The following WFDC1 variants were observed in gnomAD, a reference collection of about 807,000 sequenced individuals.
WFDC1 encodes the protein WAP four-disulfide core domain protein 1.
WFDC1 carries 39 observed loss-of-function variants against 32.9 expected under a neutral mutation model. The ratio of observed to expected loss-of-function variants is 1.19; its 90% CI spans 0.92 to 1.55. The LOEUF is 1.55. Ranked by LOEUF, WFDC1 falls within the 40% of genes most tolerant of loss-of-function variation. The pLI is 0.00. For synonymous variants in WFDC1, 184 were observed against 137.4 expected, an observed-to-expected ratio of 1.34 and a Z score of -2.37; for missense variants, 386 against 309.5, an observed-to-expected ratio of 1.25 and a Z score of -1.85.
intron 1 of WFDC1, among the ~76,000 whole-genome samples, chr16:84,303,989 G>C (rs1435775373): frequency 6.6e-6 from 1 of 152,184 alleles, no homozygotes; most frequent in Non-Finnish European, 1.5e-5. Context: ...AATAATCTGT[G>C]GGAAGTATGT....
At chr16:84,309,174 G>A (rs1055252351) in intron 1 of WFDC1, among the ~76,000 whole-genome samples, 11 of 152,168 alleles carry the variant, frequency 7.2e-5, no homozygotes, top group African/African-American at 2.2e-4. Context: ...CTTGGAGGGC[G>A]AGGGGAGGAG....
At chr16:84,311,695 C>CTT (rs67144104) in intron 1 of WFDC1, among the ~76,000 whole-genome samples, 2,542 of 73,450 alleles carry the variant, frequency 0.035, 256 homozygotes, top group African/African-American at 0.12. Context: ...TGCCTGACTG[C>CTT]TTTTTTTTTT....
At chr16:84,297,932 C>T (rs905356579) in intron 1 of WFDC1, among the ~76,000 whole-genome samples, 1 of 152,114 alleles carries the variant, frequency 6.6e-6, no homozygotes, top group Non-Finnish European at 1.5e-5. Context: ...TGAGGCACCA[C>T]TCCCTCACCC....
chr16:84,311,874 T>A (rs563750218), intron 1 of WFDC1, among the ~76,000 whole-genome samples: 1 of 151,920 alleles, frequency 6.6e-6, no homozygotes, highest in East Asian at 1.9e-4. Context: ...TATTAAAACA[T>A]AATACTTCGG....
At position 84,294,883 on chromosome 16, in the gene WFDC1, G is replaced by A; in HGVS notation, c.-89G>A. On this transcript the variant is annotated 5_prime_UTR_variant, in exon 1 of 7. The change creates a new upstream start codon in the 5' untranslated region. Coordinates refer to ENST00000219454, the MANE Select transcript of WFDC1 (RefSeq NM_021197.4). The stretch of plus-strand genomic sequence containing the variant: ...TGGAACTAAGAAAGTCCAGCAGACT[G>A]TGCACGCTCCTGTCCCCACTCACAG... 6.5e-7 allele frequency: 1 copy of A among 1,530,194 alleles called. No homozygotes were observed. Among genetic ancestry groups the A allele is most frequent in the Non-Finnish European group, 8.8e-7 (1 of 1,139,526 alleles). 94.8% of individuals were successfully genotyped at this position (1,530,194 alleles called of 1,614,324 possible). A position where few individuals can be genotyped will look rare whatever the true frequency, so the allele number is the denominator to read the frequency against.
chr16:84,296,667 G>A (rs897243669), intron 1 of WFDC1, among the ~76,000 whole-genome samples: 8 of 152,200 alleles, frequency 5.3e-5, no homozygotes, highest in Non-Finnish European at 7.3e-5. Flanking sequence ...GGAGGACTTC[G>A]AGAAGTGGAA....
chr16:84,318,138 G>A, intron 2 of WFDC1, 134 bp from the exon 3 acceptor site: 2 of 772,896 alleles, frequency 2.6e-6, no homozygotes, highest in South Asian at 1.6e-5. Context: ...GGGTGAAGGT[G>A]TGCCAGGAAC....
At chr16:84,304,650 G>T (rs1360607935) in intron 1 of WFDC1, among the ~76,000 whole-genome samples, 1 of 152,240 alleles carries the variant, frequency 6.6e-6, no homozygotes, top group East Asian at 1.9e-4. Context: ...GAGCAGGAAT[G>T]AAAATAAAAG....
At chr16:84,314,908 A>T (rs1400061661) in intron 2 of WFDC1, among the ~76,000 whole-genome samples, 1 of 152,234 alleles carries the variant, frequency 6.6e-6, no homozygotes, top group Non-Finnish European at 1.5e-5. Flanking sequence ...ACAACTGTAC[A>T]TGGCATTCCC....
At chr16:84,321,056 A>G (rs1470746686) in intron 4 of WFDC1, among the ~76,000 whole-genome samples, 2 of 152,192 alleles carry the variant, frequency 1.3e-5, no homozygotes, top group African/African-American at 4.8e-5. Context: ...TTTCCTCTAC[A>G]TTCCACTTGC....
In WFDC1 at chr16:84,294,963, A is replaced by G. The variant is rs886478501; in HGVS notation, c.-9A>G. On this transcript the variant is annotated 5_prime_UTR_variant, in exon 1 of 7. Transcript: ENST00000219454. ...GTGTGCGTCTGGAAGGTCGCTGCCC[A>G]GGGAGGAAATGCCTTTAACCGGCGT... is the stretch of plus-strand genomic sequence containing the variant. 6 of 1,610,082 alleles carry G rather than the reference A, an allele frequency of 3.7e-6. No individual in the cohort carries two copies. The highest frequency in any genetic ancestry group is 5.1e-6 in the Non-Finnish European group (6 of 1,177,982).
chr16:84,310,605 A>G (rs557976817), intron 1 of WFDC1, among the ~76,000 whole-genome samples: 1 of 152,242 alleles, frequency 6.6e-6, no homozygotes, highest in South Asian at 2.1e-4. Flanking sequence ...ACCTTTCCTA[A>G]TGGTTTCTTG....
At chr16:84,328,443 C>G (rs552703613) in intron 6 of WFDC1, 1 of 152,226 alleles carries the variant, frequency 6.6e-6, no homozygotes, top group Admixed American at 6.5e-5. Context: ...GTCGCTGAAA[C>G]GCAAATGTCA....
intron 4 of WFDC1, among the ~76,000 whole-genome samples, chr16:84,323,142 T>A (rs1033348979): frequency 2.6e-5 from 4 of 152,184 alleles, no homozygotes; most frequent in Non-Finnish European, 2.9e-5. Context: ...AAATAGTTAT[T>A]GCTGCAGTTG....
intron 1 of WFDC1, among the ~76,000 whole-genome samples, chr16:84,298,200 C>G (rs1001080806): frequency 1.3e-5 from 2 of 151,864 alleles, no homozygotes; most frequent in Non-Finnish European, 2.9e-5. Flanking sequence ...CTCCACCTCC[C>G]CGGCTCAAGT....
intron 2 of WFDC1, chr16:84,316,636 T>G (rs1907966131): frequency 1.3e-5 from 2 of 152,008 alleles, no homozygotes; most frequent in Non-Finnish European, 2.9e-5. Context: ...AAAAAAAGTT[T>G]TAAAATTACT....
chr16:84,295,217 C>T, intron 1 of WFDC1, 102 bp downstream of exon 1: 1 of 1,476,926 alleles, frequency 6.8e-7, no homozygotes, highest in Admixed American at 2.0e-5. Context: ...AAGTGCTCCC[C>T]CAAAACGTGG....
intron 1 of WFDC1, among the ~76,000 whole-genome samples, chr16:84,299,410 A>G (rs924648126): frequency 6.6e-6 from 1 of 151,976 alleles, no homozygotes; most frequent in African/African-American, 2.4e-5. Context: ...CAAAAACCCC[A>G]TTCCAGAACC....
intron 4 of WFDC1, among the ~76,000 whole-genome samples, chr16:84,320,177 A>G (rs185639222): frequency 1.3e-5 from 2 of 152,352 alleles, no homozygotes; most frequent in Admixed American, 1.3e-4. Flanking sequence ...ATTATAAAAT[A>G]GGCTTTGTGT....
Sources: gnomAD v4.1 joint callset for allele counts (sites outside exome capture counted in the v4.1 genomes callset) on GRCh38, gnomAD v4.1.1 for gene constraint, MANE v1.5 for transcripts, NCBI Gene and HGNC (gene_info 2026-07-23, HGNC 2026-07-21) for gene names.